Variants in PDE4D observed in about 807,000 individuals in gnomAD.
The protein encoded by PDE4D is phosphodiesterase 4D.
In PDE4D, 24 loss-of-function variants were observed where a neutral mutation model predicts 87.4. The ratio of observed to expected loss-of-function variants is 0.27; its 90% CI spans 0.20 to 0.39. The LOEUF (loss-of-function observed/expected upper bound fraction) is 0.39, where lower values mean the gene tolerates loss of function less well. PDE4D is among the 10% of genes least tolerant of loss of function. The probability of loss-of-function intolerance (pLI) is 1.00; values close to 1 mark genes in which losing one functional copy is unlikely to be tolerated. For synonymous variants in PDE4D, 384 were observed against 383.2 expected, an observed-to-expected ratio of 1.00 and a Z score of -0.02; for missense variants, 714 against 1,041.0, an observed-to-expected ratio of 0.69 and a Z score of 4.32.
At chr5:59,505,306 T>G (rs1302477713) in intron 1 of PDE4D, among the ~76,000 whole-genome samples, 1 of 152,184 alleles carries the variant, frequency 6.6e-6, no homozygotes, top group Non-Finnish European at 1.5e-5. Context: ...ATCAACAGTC[T>G]TTCTAGAATT....
At chr5:60,245,126 G>T (rs1562253683) in intron 1 of PDE4D, among the ~76,000 whole-genome samples, 1 of 151,822 alleles carries the variant, frequency 6.6e-6, no homozygotes, top group Admixed American at 6.6e-5. Context: ...AAAAATGGGT[G>T]AAAGAGTTGA....
At chr5:59,222,023 G>C (rs550688500) in intron 1 of PDE4D, among the ~76,000 whole-genome samples, 1 of 152,176 alleles carries the variant, frequency 6.6e-6, no homozygotes, top group Non-Finnish European at 1.5e-5. Flanking sequence ...GTTAAAGAAT[G>C]TGTGTGGCTA....
At chr5:60,414,753 G>A (rs959031319) in intron 1 of PDE4D, among the ~76,000 whole-genome samples, 4 of 152,152 alleles carry the variant, frequency 2.6e-5, no homozygotes, top group African/African-American at 9.7e-5. Context: ...ACAAAGTTGT[G>A]CCTCTTATGT....
intron 2 of PDE4D, among the ~76,000 whole-genome samples, chr5:60,101,865 T>C (rs889747125): frequency 6.6e-6 from 1 of 152,208 alleles, no homozygotes; most frequent in Non-Finnish European, 1.5e-5. Flanking sequence ...TTTATTATTA[T>C]ATTTTTAATT....
intron 1 of PDE4D, among the ~76,000 whole-genome samples, chr5:59,507,699 A>AAAAG (rs1809541429): frequency 7.6e-6 from 1 of 131,358 alleles, no homozygotes; most frequent in African/African-American, 3.0e-5. Context: ...GAAAAGAAAA[A>AAAAG]AGAAAGATAA....
At chr5:60,374,234 A>T (rs1477980164) in intron 1 of PDE4D, among the ~76,000 whole-genome samples, 1 of 152,164 alleles carries the variant, frequency 6.6e-6, no homozygotes, top group Non-Finnish European at 1.5e-5. Context: ...ATGGGAAAGC[A>T]GTTTTCTCCT....
At chr5:59,420,263 C>T (rs1455494707) in intron 1 of PDE4D, among the ~76,000 whole-genome samples, 1 of 152,150 alleles carries the variant, frequency 6.6e-6, no homozygotes, top group Non-Finnish European at 1.5e-5. Flanking sequence ...CCCCAATGAT[C>T]CCCATTGTAA....
At position 59,600,135 on chromosome 5, in the gene PDE4D, C is replaced by T. The variant is rs535681721; in HGVS notation, c.455+293033G>A. Among the ~76,000 whole-genome samples, 6 of 152,316 alleles carry T rather than the reference C, an allele frequency of 3.9e-5. No homozygotes were observed. In the South Asian group the frequency reaches 1.2e-3, roughly 32 times the overall value. On this transcript the variant is annotated intron_variant, in intron 1 of 14. Coordinates refer to ENST00000340635, the MANE Select transcript of PDE4D (RefSeq NM_001104631.2). The stretch of plus-strand genomic sequence containing the variant: ...TCCCTACCAACTCTTGCTCTTGGAG[C>T]CAAACTGGCTTTCCCAGATGGTCCT...
chr5:59,204,696 T>C (rs1295111801), intron 2 of PDE4D, among the ~76,000 whole-genome samples: 1 of 152,190 alleles, frequency 6.6e-6, no homozygotes, highest in Non-Finnish European at 1.5e-5. Flanking sequence ...TGGGCAGGGA[T>C]TCACAAGTGC....
intron 2 of PDE4D, among the ~76,000 whole-genome samples, chr5:60,172,133 A>T (rs1348311096): frequency 6.8e-6 from 1 of 146,432 alleles, no homozygotes; most frequent in Non-Finnish European, 1.5e-5. Flanking sequence ...TATATAATAT[A>T]ATATATATAT....
At chr5:59,763,057 GGAA>G (rs907138029) in intron 1 of PDE4D, among the ~76,000 whole-genome samples, 9 of 151,152 alleles carry the variant, frequency 6.0e-5, no homozygotes, top group South Asian at 2.1e-4. Flanking sequence ...CCTCTGCGAA[GGAA>G]GAAGAATAGG....
At chr5:60,042,224 C>T (rs1768602352) in intron 2 of PDE4D, among the ~76,000 whole-genome samples, 1 of 152,172 alleles carries the variant, frequency 6.6e-6, no homozygotes, top group Non-Finnish European at 1.5e-5. Context: ...CACAAAGCCA[C>T]TGTAGCCAGA....
chr5:59,449,576 A>G (rs966284921), intron 1 of PDE4D, among the ~76,000 whole-genome samples: 2 of 152,200 alleles, frequency 1.3e-5, no homozygotes, highest in South Asian at 4.1e-4. Context: ...ATCTTTACTC[A>G]TAGCATTCAT....
At chr5:60,413,561 C>T (rs1296710034) in intron 1 of PDE4D, among the ~76,000 whole-genome samples, 1 of 152,148 alleles carries the variant, frequency 6.6e-6, no homozygotes, top group Non-Finnish European at 1.5e-5. Flanking sequence ...GCATAAGGTA[C>T]TTTTAATATT....
At chr5:59,293,851 G>T (rs1768527228) in intron 1 of PDE4D, among the ~76,000 whole-genome samples, 1 of 152,138 alleles carries the variant, frequency 6.6e-6, no homozygotes, top group East Asian at 1.9e-4. Context: ...AAATCTGGCT[G>T]CAGGGTCACC....
intron 1 of PDE4D, among the ~76,000 whole-genome samples, chr5:60,499,244 G>T (rs1253860787): frequency 6.6e-6 from 1 of 152,202 alleles, no homozygotes; most frequent in African/African-American, 2.4e-5. Flanking sequence ...TTTGTGCCAG[G>T]AGATGTGCAT....
chr5:59,243,138 C>T (rs964003876), intron 1 of PDE4D, among the ~76,000 whole-genome samples: 8 of 152,146 alleles, frequency 5.3e-5, no homozygotes, highest in Admixed American at 3.3e-4. Flanking sequence ...ACTATAGAGT[C>T]GTATAAGAGA....
rs563105349 is a variant in PDE4D, at chr5:60,390,976, C to A, written c.-90+96966G>T. Among the ~76,000 whole-genome samples the A allele has an allele frequency of 5.3e-5, 8 of 152,314 alleles. No homozygotes were observed. The East Asian group carries it at 1.5e-3, about 29-fold the overall frequency. Reference sequence around the variant, plus strand: ...TACAAACCTAATATAAACATGCACACATATACACATGCATATTCACACACA... The same window carrying A: ...TACAAACCTAATATAAACATGCACAAATATACACATGCATATTCACACACA... On this transcript the variant is annotated intron_variant, in intron 1 of 16. Transcript: ENST00000502484.
chr5:60,169,605 A>T (rs1194283640), intron 2 of PDE4D, among the ~76,000 whole-genome samples: 1 of 152,072 alleles, frequency 6.6e-6, no homozygotes, highest in Non-Finnish European at 1.5e-5. Flanking sequence ...GAAATAACGC[A>T]CTATTTCTAA....
Sources: allele counts gnomAD v4.1 joint callset (sites outside exome capture counted in the v4.1 genomes callset), GRCh38; gene constraint gnomAD v4.1.1; transcripts MANE v1.5; gene names NCBI Gene and HGNC (gene_info 2026-07-23, HGNC 2026-07-21).